Variants in CACNA1C observed in about 807,000 individuals in gnomAD.
CACNA1C encodes voltage-dependent L-type calcium channel subunit alpha-1C.
In CACNA1C, 30 loss-of-function variants were observed where a neutral mutation model predicts 229.0. The observed-to-expected ratio is 0.13, with a 90% CI of 0.10 to 0.18. The LOEUF (loss-of-function observed/expected upper bound fraction) is 0.18. Ranked by LOEUF, CACNA1C falls within the 10% of genes least tolerant of loss-of-function variation. The pLI is 1.00. For synonymous variants in CACNA1C, 1,114 were observed against 1,132.5 expected, an observed-to-expected ratio of 0.98 and a Z score of 0.33; for missense variants, 1,658 against 2,845.0, an observed-to-expected ratio of 0.58 and a Z score of 9.49.
chr12:2,010,777 G>C (rs2044259257), intron 1 of CACNA1C: 2 of 152,132 alleles, frequency 1.3e-5, no homozygotes, highest in African/African-American at 4.8e-5. Flanking sequence ...GCAAAGACCT[G>C]ATAGTGCTAC....
chr12:2,035,599 C>T (rs990868740), intron 1 of CACNA1C, among the ~76,000 whole-genome samples: 3 of 152,236 alleles, frequency 2.0e-5, no homozygotes, highest in African/African-American at 7.2e-5. Context: ...TGTAAGTGCG[C>T]GGACTCATCT....
At chr12:2,290,468 G>A (rs1374193463) in intron 3 of CACNA1C, among the ~76,000 whole-genome samples, 1 of 152,194 alleles carries the variant, frequency 6.6e-6, no homozygotes, top group Non-Finnish European at 1.5e-5. Flanking sequence ...ATAAGAATGA[G>A]GGATTAGTGC....
intron 3 of CACNA1C, among the ~76,000 whole-genome samples, chr12:2,177,586 TC>T (rs1266384072): frequency 1.6e-3 from 61 of 38,660 alleles, no homozygotes; most frequent in South Asian, 1.5e-3. Flanking sequence ...CCTCCCTCCC[TC>T]CCTTCCTTCC....
chr12:2,278,156 A>G (rs964815278), intron 3 of CACNA1C, among the ~76,000 whole-genome samples: 4 of 152,214 alleles, frequency 2.6e-5, no homozygotes, highest in African/African-American at 9.6e-5. Flanking sequence ...CCCAGCTTTC[A>G]TATCTGCCAT....
intron 29 of CACNA1C, among the ~76,000 whole-genome samples, chr12:2,628,286 AAAG>A (rs1401054556): frequency 6.6e-6 from 1 of 152,212 alleles, no homozygotes; most frequent in African/African-American, 2.4e-5. Context: ...CCTCTCGATA[AAAG>A]AAGAGTGGCT....
chr12:2,381,580 C>A (rs534456354), intron 3 of CACNA1C, among the ~76,000 whole-genome samples: 55 of 152,332 alleles, frequency 3.6e-4, no homozygotes, highest in African/African-American at 1.3e-3. Context: ...TCCTTGCCTC[C>A]AGGTTTTCCT....
intron 11 of CACNA1C, among the ~76,000 whole-genome samples, chr12:2,564,559 C>T (rs1363351950): frequency 6.6e-6 from 1 of 152,140 alleles, no homozygotes; most frequent in Non-Finnish European, 1.5e-5. Context: ...AAGCCATGTG[C>T]AGAGCTAAGC....
intron 1 of CACNA1C, among the ~76,000 whole-genome samples, chr12:2,096,885 C>T (rs2074241016): frequency 6.6e-6 from 1 of 152,226 alleles, no homozygotes; most frequent in African/African-American, 2.4e-5. Flanking sequence ...CAAGGCTCAT[C>T]CATGTTGTAG....
intron 13 of CACNA1C, among the ~76,000 whole-genome samples, chr12:2,569,363 G>GT (rs1167099429): frequency 2.0e-5 from 3 of 152,182 alleles, no homozygotes; most frequent in South Asian, 4.1e-4. Context: ...TAACTTAATT[G>GT]TTTTTTTATA....
chr12:2,179,545 A>C (rs918610021), intron 3 of CACNA1C, among the ~76,000 whole-genome samples: 4 of 152,188 alleles, frequency 2.6e-5, no homozygotes, highest in Non-Finnish European at 5.9e-5. Flanking sequence ...TGAATACTGA[A>C]CATTGACCCA....
rs1031957924 is a variant in CACNA1C, at chr12:2,512,705, G to A, written c.1218-107G>A. 3 of 847,238 alleles carry A rather than the reference G, an allele frequency of 3.5e-6. No individual in the cohort carries two copies. The highest frequency in any genetic ancestry group is 5.9e-5 in the Admixed American group (2 of 33,928). The allele number at this position is 847,238 out of a possible 1,614,324, so 52.5% of individuals were successfully genotyped here. ...AGGTTTCTCCCTGCAAAGCAATTAA[G>A]ACTCTTGTTTCTCCTTATCTCCATC... On this transcript the variant is annotated intron_variant, in intron 8 of 46. Coordinates refer to ENST00000399655, the MANE Select transcript of CACNA1C (RefSeq NM_000719.7). This position sits in a 1 kb window ranked among gnomAD's most constrained non-coding sequence, Gnocchi z 4.3.
At chr12:2,450,673 G>C (rs2099361297) in intron 4 of CACNA1C, among the ~76,000 whole-genome samples, 1 of 151,892 alleles carries the variant, frequency 6.6e-6, no homozygotes, top group Non-Finnish European at 1.5e-5. Context: ...GTTCCTTTGG[G>C]CTAATCCCTT....
chr12:2,679,092 C>A lies in CACNA1C; in HGVS notation c.5092-352C>A, dbSNP rs2096980153. On this transcript the variant is annotated intron_variant, in intron 41 of 46. Coordinates refer to ENST00000399655, the MANE Select transcript of CACNA1C (RefSeq NM_000719.7). The surrounding 1 kb of genome is among the most constrained non-coding windows in gnomAD (Gnocchi z 5.5). ...TGCTCTTAGGGACCACCATCCTAGACGTGCCCTGGAAACTCACTCCCAGCC... is the reference window on the plus strand; with the variant it reads ...TGCTCTTAGGGACCACCATCCTAGAAGTGCCCTGGAAACTCACTCCCAGCC... Among the ~76,000 whole-genome samples, 1 of 152,198 alleles carries A rather than the reference C, an allele frequency of 6.6e-6. No homozygotes were observed. The highest frequency in any genetic ancestry group is 6.5e-5 in the Admixed American group (1 of 15,286).
chr12:2,430,577 G>C (rs116416685), intron 3 of CACNA1C, among the ~76,000 whole-genome samples: 2 of 122,960 alleles, frequency 1.6e-5, no homozygotes, highest in South Asian at 2.4e-4. Context: ...GGAGGTGGTG[G>C]GGGGGTCCGA....
chr12:2,402,998 AAG>A (rs1301665010), intron 3 of CACNA1C, among the ~76,000 whole-genome samples: 1 of 152,164 alleles, frequency 6.6e-6, no homozygotes, highest in Non-Finnish European at 1.5e-5. Context: ...TGCGAGCTGA[AAG>A]AGATAGACAG....
intron 4 of CACNA1C, among the ~76,000 whole-genome samples, chr12:2,450,287 G>A (rs2099348702): frequency 6.6e-6 from 1 of 152,108 alleles, no homozygotes; most frequent in Non-Finnish European, 1.5e-5. Flanking sequence ...AGGCGCGGTG[G>A]CTCACACCTG....
chr12:2,147,772 G>GT (rs1465854058), intron 3 of CACNA1C, among the ~76,000 whole-genome samples: 1 of 148,186 alleles, frequency 6.7e-6, no homozygotes, highest in African/African-American at 2.5e-5. Flanking sequence ...ACTCTCAAAT[G>GT]TTTTGGGGGG....
intron 1 of CACNA1C, among the ~76,000 whole-genome samples, chr12:2,111,356 C>A (rs1443812246): frequency 6.6e-6 from 1 of 152,166 alleles, no homozygotes; most frequent in Non-Finnish European, 1.5e-5. Context: ...GCTTCTACCT[C>A]GTGCTCCGGG....
At chr12:2,166,378 A>T (rs1188947641) in intron 3 of CACNA1C, among the ~76,000 whole-genome samples, 1 of 152,352 alleles carries the variant, frequency 6.6e-6, no homozygotes, top group African/African-American at 2.4e-5. Flanking sequence ...TTAACTTTAC[A>T]TTGGCTGATC....
Sources: gnomAD v4.1 joint callset for allele counts (sites outside exome capture counted in the v4.1 genomes callset) on GRCh38, gnomAD v4.1.1 for gene constraint, Gnocchi (gnomAD v3.1) non-coding constraint, MANE v1.5 for transcripts, NCBI Gene and HGNC (gene_info 2026-07-23, HGNC 2026-07-21) for gene names.